Variants in UBASH3A observed in about 807,000 individuals in gnomAD.
The protein encoded by UBASH3A is ubiquitin-associated and SH3 domain-containing protein A.
Under a neutral mutation model 73.5 loss-of-function variants are expected in UBASH3A, and 63 were observed. The observed-to-expected ratio is 0.86, with a 90% confidence interval of 0.70 to 1.06. UBASH3A has a LOEUF of 1.06. Ranked by LOEUF, UBASH3A falls within the 50% of genes least tolerant of loss-of-function variation. UBASH3A has a pLI of 0.00. For synonymous variants in UBASH3A, 363 were observed against 351.1 expected, an observed-to-expected ratio of 1.03 and a Z score of -0.38; for missense variants, 860 against 859.0, an observed-to-expected ratio of 1.00 and a Z score of -0.02.
At position 42,432,092 on chromosome 21, in the gene UBASH3A, C is replaced by T. The variant is rs753274322; in HGVS notation, c.1171-11C>T. 1 of 1,595,810 alleles carries T rather than the reference C, an allele frequency of 6.3e-7. No homozygotes were observed. The highest frequency in any genetic ancestry group is 1.7e-5 in the Admixed American group (1 of 59,586). On this transcript the variant is annotated splice_polypyrimidine_tract_variant and intron_variant, in intron 8 of 14. Transcript: ENST00000319294. The stretch of plus-strand genomic sequence containing the variant: ...AACTGCATGTGCCTTGCTTCCTGCC[C>T]CACCCCCCAGGCTACCGTTGCAAGG...
At position 42,442,377 on chromosome 21, in the gene UBASH3A, C is replaced by A; in HGVS notation, c.1487-75C>A. The A allele has an allele frequency of 3.4e-6, 5 of 1,481,784 alleles. No individual in the cohort carries two copies. The South Asian group carries it at 4.8e-5, about 14-fold the overall frequency. 91.8% of individuals were successfully genotyped at this position (1,481,784 alleles called of 1,614,324 possible). A position where few individuals can be genotyped will look rare whatever the true frequency, so the allele number is the denominator to read the frequency against. ...AGACGTGTGTGTGACGGTCTGAGAT[C>A]TAAAAGGAGACTTATTTATGCAAAG... is the stretch of plus-strand genomic sequence containing the variant. On this transcript the variant is annotated intron_variant, in intron 11 of 14. Transcript: ENST00000319294.
At position 42,420,512 on chromosome 21, in the gene UBASH3A, CAT is replaced by C. The variant is rs764324837; in HGVS notation, c.1046+1912_1046+1913del. ...ATATTATATACACATGTATCACACACATATATATATGGAAAGGTATATATGTA... is the reference window on the plus strand; with the variant it reads ...ATATTATATACACATGTATCACACACATATATATGGAAAGGTATATATGTA... On this transcript the variant is annotated intron_variant, in intron 7 of 14. Coordinates refer to ENST00000319294, the MANE Select transcript of UBASH3A (RefSeq NM_018961.4). Among the ~76,000 whole-genome samples the C allele has an allele frequency of 2.6e-5, 4 of 152,232 alleles. 1 individual carries two copies. The highest frequency in any genetic ancestry group is 1.9e-4 in the East Asian group (1 of 5,188).
chr21:42,442,391 A>C, intron 11 of UBASH3A, 61 bp from the exon 12 acceptor site: 2 of 1,563,504 alleles, frequency 1.3e-6, no homozygotes, highest in Non-Finnish European at 1.7e-6. Context: ...AAGGAGACTT[A>C]TTTATGCAAA....
chr21:42,408,928 T>TAAAATAAAATAAAATAAAATAAAATAA (rs1568907849), intron 2 of UBASH3A, among the ~76,000 whole-genome samples: 15 of 149,760 alleles, frequency 1.0e-4, no homozygotes, highest in African/African-American at 3.2e-4. Flanking sequence ...TAAAATAAAA[T>TAAAATAAAATAAAATAAAATAAAATAA]AAAATAAAAT....
intron 8 of UBASH3A, among the ~76,000 whole-genome samples, chr21:42,428,139 G>T (rs1004824245): frequency 7.9e-5 from 12 of 152,126 alleles, no homozygotes; most frequent in African/African-American, 2.9e-4. Context: ...CCAGAGAGAG[G>T]CCTCAAAAGG....
chr21:42,419,823 G>A (rs141526080), intron 7 of UBASH3A, among the ~76,000 whole-genome samples: 70 of 152,294 alleles, frequency 4.6e-4, no homozygotes, highest in African/African-American at 1.5e-3. Context: ...AACATTCAAC[G>A]AATTACATGA....
Position 42,403,953 on chromosome 21 carries a change from C to G in UBASH3A, c.8C>G (p.Ala3Gly). Residue 3 changes from alanine (A) to glycine (G), a missense_variant, in exon 1 of 15, where the codon GCG (alanine) becomes GGG (glycine). Ala to Gly is a moderately conservative substitution (Grantham distance 60). Transcript: ENST00000319294. MA[A>G]GETQLYAKVS... ...GCCTAAGGGCAGGAAGAGATGGCAG[C>G]GGGGGAGACGCAGCTCTACGCCAAG... The G allele has an allele frequency of 6.6e-7, 1 of 1,504,656 alleles. No homozygotes were observed. The highest frequency in any genetic ancestry group is 1.4e-5 in the African/African-American group (1 of 71,018). The allele number at this position is 1,504,656 out of a possible 1,614,324, so 93.2% of individuals were successfully genotyped here. A position where few individuals can be genotyped will look rare whatever the true frequency, so the allele number is the denominator to read the frequency against.
chr21:42,437,556 C>T lies in UBASH3A; in HGVS notation c.1462C>T (p.Gln488Ter), dbSNP rs1296786782. Residue 488 changes from glutamine to a stop codon, truncating the protein, a stop_gained, in exon 11 of 15, where the codon CAG (glutamine) becomes TAG (stop). Coordinates refer to ENST00000319294, the MANE Select transcript of UBASH3A (RefSeq NM_018961.4). LOFTEE classifies it high-confidence loss of function. ...VFASPALRCV[Q>*]TAKLILEELK... ...TGCCTCCCCAGCCCTCCGCTGTGTGCAGACGGCCAAACTCATCCTGGAAGG... is the reference window on the plus strand; with the variant it reads ...TGCCTCCCCAGCCCTCCGCTGTGTGTAGACGGCCAAACTCATCCTGGAAGG... 6.2e-7 allele frequency: 1 copy of T among 1,614,096 alleles called. No individual in the cohort carries two copies. Among genetic ancestry groups the T allele is most frequent in the Non-Finnish European group, 8.5e-7 (1 of 1,180,016 alleles).
intron 11 of UBASH3A, among the ~76,000 whole-genome samples, chr21:42,439,335 C>T (rs897685101): frequency 6.6e-6 from 1 of 152,144 alleles, no homozygotes; most frequent in Non-Finnish European, 1.5e-5. Context: ...TTTCATTTCC[C>T]ACCCAACTGT....
In UBASH3A at chr21:42,409,566, T is replaced by G; in HGVS notation, c.312T>G (p.Ala104=). The stretch of plus-strand genomic sequence containing the variant: ...AGCGCCAGTGTGCAAAGAACAGAGC[T>G]CATGAGGTCTTCCCACACGTGACAC... ...ESKRQCAKNR[A]HEVFPHVTLC... is the part of the protein sequence containing the mutation. Residue 104 remains alanine (A), a synonymous_variant, in exon 3 of 15, where the codon GCT becomes GCG. Transcript: ENST00000319294. The G allele has an allele frequency of 6.2e-7, 1 of 1,613,666 alleles. No individual in the cohort carries two copies. Among genetic ancestry groups the G allele is most frequent in the Non-Finnish European group, 8.5e-7 (1 of 1,179,884 alleles).
chr21:42,426,960 G>T, intron 8 of UBASH3A, 140 bp downstream of exon 8: 1 of 1,108,062 alleles, frequency 9.0e-7, no homozygotes, highest in Non-Finnish European at 1.3e-6. Context: ...TGGTCAGCAA[G>T]GGGGCCTCCC....
At position 42,416,564 on chromosome 21, in the gene UBASH3A, T is replaced by C. The variant is rs766808891; in HGVS notation, c.790T>C (p.Trp264Arg). 5.2e-5 allele frequency: 84 copies of C among 1,609,134 alleles called. No homozygotes were observed. In the Admixed American group the frequency reaches 9.1e-4, roughly 17 times the overall value. ...CATCCCCCTGGGCCACAGCTGCCAG[T>C]GGACCGCAGCACTCTACTCCCGAGA... ...RAIPLGHSCQ[W>R]TAALYSRDMR... The change falls in exon 6 of 15, where the codon TGG becomes CGG. Residue 264 changes from tryptophan to arginine, a missense_variant. Physicochemically the swap from Trp to Arg is moderately radical, Grantham distance 101. Transcript: ENST00000319294.
At chr21:42,431,086 G>C (rs377369626) in intron 8 of UBASH3A, among the ~76,000 whole-genome samples, 1 of 152,178 alleles carries the variant, frequency 6.6e-6, no homozygotes, top group South Asian at 2.1e-4. Flanking sequence ...TCGGCCCCTA[G>C]CACTCTGCTC....
At chr21:42,422,045 G>C (rs970531462) in intron 7 of UBASH3A, among the ~76,000 whole-genome samples, 3 of 152,100 alleles carry the variant, frequency 2.0e-5, no homozygotes, top group African/African-American at 7.2e-5. Flanking sequence ...ACTGAGATTT[G>C]TATAACAAGC....
At position 42,413,589 on chromosome 21, in the gene UBASH3A, C is replaced by T; in HGVS notation, c.667+66C>T. The T allele has an allele frequency of 8.2e-7, 1 of 1,218,954 alleles. No homozygotes were observed. Among genetic ancestry groups the T allele is most frequent in the Non-Finnish European group, 1.2e-6 (1 of 850,138 alleles). The allele number at this position is 1,218,954 out of a possible 1,614,324, so 75.5% of individuals were successfully genotyped here. ...CTTTAGGCGGGAATAGCCTTGTTCT[C>T]ATTATGTGGTTTTTAAAATGCTTAG... is the stretch of plus-strand genomic sequence containing the variant. On this transcript the variant is annotated intron_variant, in intron 5 of 14. Coordinates refer to ENST00000319294, the MANE Select transcript of UBASH3A (RefSeq NM_018961.4). This position sits in a 1 kb window ranked among gnomAD's most constrained non-coding sequence, Gnocchi z 4.5.
intron 14 of UBASH3A, among the ~76,000 whole-genome samples, chr21:42,446,096 C>T (rs1208692470): frequency 6.6e-6 from 1 of 152,224 alleles, no homozygotes; most frequent in African/African-American, 2.4e-5. Context: ...CACACACCAG[C>T]TGCTGACAGT....
chr21:42,414,267 G>T (rs1036917426), intron 5 of UBASH3A, among the ~76,000 whole-genome samples: 1 of 152,200 alleles, frequency 6.6e-6, no homozygotes, highest in Non-Finnish European at 1.5e-5. Context: ...ATCCATCCCT[G>T]AATCCTGGGC....
At chr21:42,433,905 G>T (rs1038197383) in intron 9 of UBASH3A, among the ~76,000 whole-genome samples, 13 of 152,172 alleles carry the variant, frequency 8.5e-5, no homozygotes, top group African/African-American at 2.9e-4. Context: ...CAAAGGGCAG[G>T]GCCTGCTATG....
rs777199136 is a variant in UBASH3A at position 42,406,341 on chromosome 21, G to A, written c.147G>A (p.Thr49=). 19 of 1,613,952 alleles carry A rather than the reference G, an allele frequency of 1.2e-5. No individual in the cohort carries two copies. Among genetic ancestry groups the A allele is most frequent in the Middle Eastern group, 3.3e-4 (2 of 6,084 alleles). ...CGTTGGCAGCCACGGGGAGGAAGAC[G>A]GCGGAGGAGGCCTTGGCCTGGTGAG... ...LKALAATGRK[T]AEEALAWLHD... The change falls in exon 2 of 15, where the codon ACG becomes ACA. Residue 49 remains threonine, a synonymous_variant. Transcript: ENST00000319294.
Sources: gnomAD v4.1 joint callset for allele counts (sites outside exome capture counted in the v4.1 genomes callset) on GRCh38, gnomAD v4.1.1 for gene constraint, Gnocchi (gnomAD v3.1) non-coding constraint, MANE v1.5 for transcripts, NCBI Gene and HGNC (gene_info 2026-07-23, HGNC 2026-07-21) for gene names.